Variants in EFNA5 observed in about 807,000 individuals in gnomAD.
EFNA5 encodes the protein ephrin A5.
EFNA5 carries 5 observed loss-of-function variants against 22.9 expected under a neutral mutation model. That is an observed-to-expected ratio of 0.22 (90% CI 0.11 to 0.46). The LOEUF is 0.46. Ranked by LOEUF, EFNA5 falls within the 20% of genes least tolerant of loss-of-function variation. EFNA5 has a pLI of 0.99. For missense variants in EFNA5, 237 were observed against 293.3 expected, an observed-to-expected ratio of 0.81 and a Z score of 1.40; for synonymous variants, 113 against 112.2, an observed-to-expected ratio of 1.01 and a Z score of -0.04.
Position 107,424,291 on chromosome 5 carries a change from C to T in EFNA5, c.418+2926G>A, listed in dbSNP as rs369618048. ...GCTCAATCTCGGCTCACTGCAACCT[C>T]TGCCACCCTGGTTCAAGTGATTCTC... On this transcript the variant is annotated intron_variant, in intron 2 of 4. Coordinates refer to ENST00000333274, the MANE Select transcript of EFNA5 (RefSeq NM_001962.3). 1.5e-4 allele frequency among the ~76,000 whole-genome samples: 22 copies of T among 144,764 alleles called. No individual in the cohort carries two copies. In the East Asian group the frequency reaches 3.2e-3, roughly 21 times the overall value. 95.0% of individuals were successfully genotyped at this position (144,764 alleles called of 152,430 possible).
intron 1 of EFNA5, among the ~76,000 whole-genome samples, chr5:107,559,060 G>C (rs1019271819): frequency 6.6e-6 from 1 of 152,214 alleles, no homozygotes; most frequent in East Asian, 1.9e-4. Context: ...GGATGTTTGA[G>C]ATAATCTTAT....
chr5:107,498,562 G>A (rs1204522344), intron 1 of EFNA5, among the ~76,000 whole-genome samples: 2 of 152,172 alleles, frequency 1.3e-5, no homozygotes, highest in Admixed American at 6.5e-5. Context: ...GTGCCACAAT[G>A]GACAAACAAA....
At chr5:107,419,490 T>G (rs1313831703) in intron 2 of EFNA5, among the ~76,000 whole-genome samples, 1 of 152,222 alleles carries the variant, frequency 6.6e-6, no homozygotes, top group Non-Finnish European at 1.5e-5. Context: ...CCATTCTATT[T>G]TCAAAATAAC....
chr5:107,401,185 C>A (rs1212063464), intron 2 of EFNA5, among the ~76,000 whole-genome samples: 1 of 152,120 alleles, frequency 6.6e-6, no homozygotes, highest in Non-Finnish European at 1.5e-5. Context: ...GATAGTAATA[C>A]CGATGTGCTA....
chr5:107,597,950 G>A (rs1235628729), intron 1 of EFNA5, among the ~76,000 whole-genome samples: 11 of 152,094 alleles, frequency 7.2e-5, no homozygotes, highest in Admixed American at 7.2e-4. Flanking sequence ...TTATCTGTAA[G>A]CACACTAACA....
At chr5:107,624,884 T>C (rs1271568075) in intron 1 of EFNA5, among the ~76,000 whole-genome samples, 1 of 152,144 alleles carries the variant, frequency 6.6e-6, no homozygotes, top group East Asian at 1.9e-4. Context: ...TTCACAAAAA[T>C]TATATTTTAT....
rs547216865 is a variant in EFNA5, at chr5:107,478,016, G to T, written c.126-50507C>A. 5.3e-5 allele frequency among the ~76,000 whole-genome samples: 8 copies of T among 152,158 alleles called. No individual in the cohort carries two copies. The East Asian group carries it at 1.5e-3, about 29-fold the overall frequency. On this transcript the variant is annotated intron_variant, in intron 1 of 4. Coordinates refer to ENST00000333274, the MANE Select transcript of EFNA5 (RefSeq NM_001962.3). Reference sequence around the variant, plus strand: ...ATAACCACCGAAATACATGAGCAGGGTTTTTAAACCCTAGGAAGGAAAAAG... The same window carrying T: ...ATAACCACCGAAATACATGAGCAGGTTTTTTAAACCCTAGGAAGGAAAAAG...
At chr5:107,478,248 G>C (rs200002965) in intron 1 of EFNA5, among the ~76,000 whole-genome samples, 1 of 152,124 alleles carries the variant, frequency 6.6e-6, no homozygotes, top group African/African-American at 2.4e-5. Context: ...AGAGGAGGCA[G>C]GCAAGAGATC....
chr5:107,670,322 G>A (rs1751163967), intron 1 of EFNA5, among the ~76,000 whole-genome samples, 167 bp downstream of exon 1: 1 of 152,134 alleles, frequency 6.6e-6, no homozygotes, highest in Non-Finnish European at 1.5e-5. Context: ...AAAGAGGGGC[G>A]CGACGCGAGC....
At chr5:107,483,799 C>T (rs1015515714) in intron 1 of EFNA5, among the ~76,000 whole-genome samples, 1 of 152,100 alleles carries the variant, frequency 6.6e-6, no homozygotes, top group African/African-American at 2.4e-5. Context: ...TGGGTAGAGT[C>T]AAACTGAAAT....
In EFNA5 at chr5:107,387,157, G is replaced by A. The variant is rs988925351; in HGVS notation, c.565+78C>T. On this transcript the variant is annotated intron_variant, in intron 4 of 4. Coordinates refer to ENST00000333274, the MANE Select transcript of EFNA5 (RefSeq NM_001962.3). ...CAACTATAACATGCAAACATGCAGA[G>A]AAGAAGAAAGGAAAAAAATACGGAA... 7 of 1,012,792 alleles carry A rather than the reference G, an allele frequency of 6.9e-6. No individual in the cohort carries two copies. In the South Asian group the frequency reaches 9.7e-5, roughly 14 times the overall value. The allele number at this position is 1,012,792 out of a possible 1,614,324, so 62.7% of individuals were successfully genotyped here.
intron 1 of EFNA5, among the ~76,000 whole-genome samples, chr5:107,623,364 C>A (rs1750078770): frequency 6.6e-6 from 1 of 152,054 alleles, no homozygotes; most frequent in Non-Finnish European, 1.5e-5. Flanking sequence ...AGTTTAAATT[C>A]CAATATATGA....
chr5:107,494,981 C>T (rs25974), intron 1 of EFNA5, among the ~76,000 whole-genome samples: 58,808 of 151,628 alleles, frequency 0.39, 11,750 homozygotes, highest in South Asian at 0.49. Flanking sequence ...TTGTGTCTAG[C>T]TCAGGGATTG....
At chr5:107,435,849 C>T (rs1401432686) in intron 1 of EFNA5, among the ~76,000 whole-genome samples, 1 of 152,130 alleles carries the variant, frequency 6.6e-6, no homozygotes, top group South Asian at 2.1e-4. Flanking sequence ...CTTGCACGTG[C>T]ATGTTTTGAT....
chr5:107,454,439 T>G (rs1749641436), intron 1 of EFNA5, among the ~76,000 whole-genome samples: 2 of 152,180 alleles, frequency 1.3e-5, no homozygotes, highest in East Asian at 3.8e-4. Context: ...TAATCATCAT[T>G]TGAAGCTTTA....
At chr5:107,600,305 G>C (rs886909058) in intron 1 of EFNA5, among the ~76,000 whole-genome samples, 4 of 152,108 alleles carry the variant, frequency 2.6e-5, no homozygotes, top group African/African-American at 9.7e-5. Flanking sequence ...TGCATTTAAG[G>C]GAAATGAATA....
intron 1 of EFNA5, among the ~76,000 whole-genome samples, chr5:107,519,415 C>T (rs1362460322): frequency 6.6e-6 from 1 of 152,184 alleles, no homozygotes; most frequent in Non-Finnish European, 1.5e-5. Context: ...ACAATCTTGT[C>T]TTGACAAGGT....
In EFNA5 at chr5:107,379,493, A is replaced by G. The variant is rs1460204629; in HGVS notation, c.*1762T>C. On this transcript the variant is annotated 3_prime_UTR_variant, in exon 5 of 5. Transcript: ENST00000333274. ...ATTTTTCACATTTTACATGATCATC[A>G]CATTTATTTCTTATATTGAAAGGCA... 1 of 140,014 alleles carries G rather than the reference A, an allele frequency of 7.1e-6. No individual in the cohort carries two copies. Among genetic ancestry groups the G allele is most frequent in the Admixed American group, 7.9e-5 (1 of 12,696 alleles). The allele number at this position is 140,014 out of a possible 1,614,324, so 8.7% of individuals were successfully genotyped here. A position where few individuals can be genotyped will look rare whatever the true frequency, so the allele number is the denominator to read the frequency against.
At chr5:107,497,764 C>G (rs1747023689) in intron 1 of EFNA5, among the ~76,000 whole-genome samples, 1 of 152,236 alleles carries the variant, frequency 6.6e-6, no homozygotes, top group South Asian at 2.1e-4. Context: ...ATTAAGAACA[C>G]TAACATCTAA....
Sources: allele counts gnomAD v4.1 joint callset (sites outside exome capture counted in the v4.1 genomes callset), GRCh38; gene constraint gnomAD v4.1.1; transcripts MANE v1.5; gene names NCBI Gene and HGNC (gene_info 2026-07-23, HGNC 2026-07-21).